EPSTI1: variants seen among roughly 807,000 people sequenced by gnomAD.
EPSTI1 encodes epithelial stromal interaction 1.
EPSTI1 carries 66 observed loss-of-function variants against 49.9 expected under a neutral mutation model. The ratio of observed to expected loss-of-function variants is 1.32; its 90% CI spans 1.08 to 1.62. EPSTI1 has a LOEUF of 1.62. EPSTI1 is among the 40% of genes most tolerant of loss of function. The pLI, the probability that EPSTI1 is intolerant of heterozygous loss-of-function variation, is 0.00. For missense variants in EPSTI1, 394 were observed against 365.5 expected (o/e 1.08, Z -0.64); for synonymous variants, 137 against 130.7 (o/e 1.05, Z -0.33).
chr13:42,979,307 A>T (rs187793433), intron 1 of EPSTI1, among the ~76,000 whole-genome samples: 13 of 152,356 alleles, frequency 8.5e-5, no homozygotes, highest in Admixed American at 6.5e-4. Flanking sequence ...GGTGGGGCAC[A>T]GTGGCTTATG....
chr13:42,888,075 A>T lies in EPSTI1; in HGVS notation c.*419T>A. 1.7e-6 allele frequency: 1 copy of T among 592,840 alleles called. No homozygotes were observed. Among genetic ancestry groups the T allele is most frequent in the Non-Finnish European group, 2.8e-6 (1 of 351,806 alleles). 36.7% of individuals were successfully genotyped at this position (592,840 alleles called of 1,614,324 possible). On this transcript the variant is annotated 3_prime_UTR_variant, in exon 11 of 11. Transcript: ENST00000313624. The stretch of plus-strand genomic sequence containing the variant: ...TACATATTTGTACCATAAAGAAAGT[A>T]GGGATTAAAATCTAAAAAGACCCCC...
chr13:42,921,628 C>T (rs1050639383), intron 7 of EPSTI1, among the ~76,000 whole-genome samples: 2 of 152,172 alleles, frequency 1.3e-5, no homozygotes, highest in Non-Finnish European at 2.9e-5. Context: ...CTTGGCTGCA[C>T]ATTAGAATGG....
chr13:42,936,487 A>C (rs2038568684), intron 6 of EPSTI1, among the ~76,000 whole-genome samples: 1 of 152,186 alleles, frequency 6.6e-6, no homozygotes, highest in Non-Finnish European at 1.5e-5. Flanking sequence ...TAAGGAATTG[A>C]CTAATTTCTC....
chr13:42,892,322 A>G (rs754193992), intron 10 of EPSTI1, among the ~76,000 whole-genome samples: 8 of 152,192 alleles, frequency 5.3e-5, no homozygotes, highest in Non-Finnish European at 1.0e-4. Context: ...ACTGTAGGTA[A>G]GTAATTGTGG....
intron 1 of EPSTI1, 105 bp downstream of exon 1, chr13:42,991,870 CTGT>C (rs2040200401): frequency 8.1e-7 from 1 of 1,231,606 alleles, no homozygotes; most frequent in East Asian, 2.3e-5. Flanking sequence ...GTCAAAATCC[CTGT>C]TGTTGGGCCC....
In EPSTI1 at chr13:42,992,112, G is replaced by A. The variant is rs778639971; in HGVS notation, c.54C>T (p.Ser18=). ...GGTCCTGGGGATCCCGGGTCGGGCG[G>A]GAGGCAGGGGAGGCGCCGAGCCCGG... The part of the protein sequence containing the change: ...VNSGLGASPA[S]RPTRDPQDPS... The change falls in exon 1 of 11, where the codon TCC becomes TCT. Residue 18 remains serine, a synonymous_variant. Coordinates refer to ENST00000313624, the MANE Select transcript of EPSTI1 (RefSeq NM_033255.5). 35 of 1,609,406 alleles carry A rather than the reference G, an allele frequency of 2.2e-5. No individual in the cohort carries two copies. The highest frequency in any genetic ancestry group is 3.0e-5 in the Non-Finnish European group (35 of 1,178,560).
chr13:42,926,518 T>C (rs1404454154), intron 6 of EPSTI1, 89 bp from the exon 7 acceptor site: 30 of 785,924 alleles, frequency 3.8e-5, no homozygotes, highest in Non-Finnish European at 6.1e-5. Context: ...CTAGACTTAT[T>C]TGGGTGATGA....
intron 8 of EPSTI1, among the ~76,000 whole-genome samples, chr13:42,911,886 T>G (rs2037696556): frequency 6.6e-6 from 1 of 152,222 alleles, no homozygotes; most frequent in African/African-American, 2.4e-5. Context: ...TTAATTCATT[T>G]CTTTTTTTAG....
At position 42,887,572 on chromosome 13, in the gene EPSTI1, G is replaced by A. The variant is rs1432651329; in HGVS notation, c.*922C>T. 1 of 152,164 alleles carries A rather than the reference G, an allele frequency of 6.6e-6. No homozygotes were observed. The highest frequency in any genetic ancestry group is 2.4e-5 in the African/African-American group (1 of 41,402). 9.4% of individuals were successfully genotyped at this position (152,164 alleles called of 1,614,324 possible). A position where few individuals can be genotyped will look rare whatever the true frequency, so the allele number is the denominator to read the frequency against. Reference sequence around the variant, plus strand: ...TGGCTGGGGGACGGTGAGGCGGAGGGGACAGAGGGATTGAGCTAGATTACA... The same window carrying A: ...TGGCTGGGGGACGGTGAGGCGGAGGAGACAGAGGGATTGAGCTAGATTACA... On this transcript the variant is annotated 3_prime_UTR_variant, in exon 11 of 11. Transcript: ENST00000313624.
chr13:42,984,597 G>A (rs190231609), intron 1 of EPSTI1, among the ~76,000 whole-genome samples: 7 of 152,268 alleles, frequency 4.6e-5, no homozygotes, highest in African/African-American at 1.4e-4. Context: ...CTTTATTATT[G>A]TATATCCCAC....
intron 9 of EPSTI1, among the ~76,000 whole-genome samples, chr13:42,897,413 T>C (rs1478255237): frequency 1.3e-5 from 2 of 152,184 alleles, no homozygotes; most frequent in Admixed American, 6.5e-5. Context: ...GATTATAATT[T>C]CCACATGGTG....
At chr13:42,976,401 G>T (rs2039883338) in intron 1 of EPSTI1, among the ~76,000 whole-genome samples, 2 of 152,158 alleles carry the variant, frequency 1.3e-5, no homozygotes, top group African/African-American at 4.8e-5. Context: ...GTTAAAGAGT[G>T]GTCTTGGCAC....
intron 8 of EPSTI1, among the ~76,000 whole-genome samples, chr13:42,915,118 A>G (rs1195689836): frequency 6.6e-6 from 1 of 152,268 alleles, no homozygotes; most frequent in Non-Finnish European, 1.5e-5. Context: ...AAACAAACAC[A>G]TAAATGGATG....
At chr13:42,948,425 GTT>G (rs1237479085) in intron 6 of EPSTI1, among the ~76,000 whole-genome samples, 5 of 128,052 alleles carry the variant, frequency 3.9e-5, no homozygotes, top group African/African-American at 3.1e-5. Context: ...GTGGCTTGTT[GTT>G]TTTTTTTTTT....
intron 8 of EPSTI1, among the ~76,000 whole-genome samples, chr13:42,907,825 T>C (rs1356654967): frequency 2.0e-5 from 3 of 152,200 alleles, no homozygotes; most frequent in Admixed American, 6.5e-5. Context: ...GTTTTAGCAT[T>C]CGGGAACATT....
intron 5 of EPSTI1, among the ~76,000 whole-genome samples, chr13:42,954,711 T>A (rs1411052966): frequency 2.0e-5 from 3 of 152,228 alleles, no homozygotes; most frequent in Non-Finnish European, 4.4e-5. Context: ...TGACACACTG[T>A]CATTTTTTAA....
At chr13:42,940,445 T>C in intron 6 of EPSTI1, among the ~76,000 whole-genome samples, 1 of 152,232 alleles carries the variant, frequency 6.6e-6, no homozygotes, top group East Asian at 1.9e-4. Context: ...TCCTACACAG[T>C]TCTTTGTCAG....
intron 6 of EPSTI1, among the ~76,000 whole-genome samples, chr13:42,943,168 G>A (rs1330466128): frequency 1.3e-5 from 2 of 152,194 alleles, no homozygotes; most frequent in Non-Finnish European, 2.9e-5. Context: ...TAGAAGTGAT[G>A]AAGTTGGCTA....
chr13:42,975,304 CTATAT>C (rs1197929084), intron 1 of EPSTI1, among the ~76,000 whole-genome samples: 3 of 152,166 alleles, frequency 2.0e-5, no homozygotes, highest in Non-Finnish European at 4.4e-5. Context: ...ACCCCTAAGC[CTATAT>C]TATACCACCC....
Sources: gnomAD v4.1 joint callset for allele counts (sites outside exome capture counted in the v4.1 genomes callset) on GRCh38, gnomAD v4.1.1 for gene constraint, MANE v1.5 for transcripts, NCBI Gene and HGNC (gene_info 2026-07-23, HGNC 2026-07-21) for gene names.